Variants in FSHR observed in about 807,000 individuals in gnomAD.
FSHR encodes the protein follicle stimulating hormone receptor, also known as follicle-stimulating hormone receptor.
In FSHR, 46 loss-of-function variants were observed where a neutral mutation model predicts 52.1. The ratio of observed to expected loss-of-function variants is 0.88; its 90% CI spans 0.70 to 1.13. The LOEUF (loss-of-function observed/expected upper bound fraction) is 1.13. Ranked by LOEUF, FSHR falls within the 50% of genes most tolerant of loss-of-function variation. FSHR has a pLI of 0.00. For missense variants in FSHR, 964 were observed against 834.6 expected (o/e 1.16, Z -1.91); for synonymous variants, 399 against 309.6 (o/e 1.29, Z -3.03).
chr2:49,083,435 A>G (rs1454543062), intron 1 of FSHR, among the ~76,000 whole-genome samples: 2 of 151,518 alleles, frequency 1.3e-5, no homozygotes. Flanking sequence ...AACTGCATCA[A>G]CTGATGAGCA....
intron 3 of FSHR, 144 bp from the exon 4 acceptor site, chr2:49,017,707 A>G: frequency 1.4e-6 from 1 of 706,698 alleles, no homozygotes; most frequent in Middle Eastern, 2.5e-4. Flanking sequence ...TCCATCCATC[A>G]TTTCAATAAA....
intron 2 of FSHR, among the ~76,000 whole-genome samples, chr2:49,047,502 A>T (rs2104294946): frequency 1.3e-5 from 2 of 152,354 alleles, no homozygotes; most frequent in Middle Eastern, 3.4e-3. Flanking sequence ...GTACACACAG[A>T]CTTTGTGGTC....
chr2:49,115,411 A>G (rs1332171554), intron 1 of FSHR, among the ~76,000 whole-genome samples: 1 of 152,172 alleles, frequency 6.6e-6, no homozygotes, highest in African/African-American at 2.4e-5. Context: ...GGAAAGATGG[A>G]AAAACGGCCA....
At chr2:49,067,233 CT>C (rs945660432) in intron 2 of FSHR, among the ~76,000 whole-genome samples, 10 of 152,096 alleles carry the variant, frequency 6.6e-5, no homozygotes, top group Non-Finnish European at 1.2e-4. Flanking sequence ...TGACCACCCT[CT>C]TTTAAGCAGG....
Position 49,020,623 on chromosome 2 carries a change from A to G in FSHR, c.225-463T>C, listed in dbSNP as rs1199841138. The stretch of plus-strand genomic sequence containing the variant: ...TGTAGCCCAAATGTAACCAAAGGTA[A>G]CACATGAATGAATTAGCCTGTGTTC... On this transcript the variant is annotated intron_variant, in intron 2 of 9. Coordinates refer to ENST00000406846, the MANE Select transcript of FSHR (RefSeq NM_000145.4). Among the ~76,000 whole-genome samples the G allele has an allele frequency of 2.0e-5, 3 of 152,278 alleles. No homozygotes were observed. In the East Asian group the frequency reaches 5.8e-4, roughly 29 times the overall value.
intron 1 of FSHR, among the ~76,000 whole-genome samples, chr2:49,150,561 C>A (rs192251099): frequency 6.6e-6 from 1 of 152,190 alleles, no homozygotes; most frequent in African/African-American, 2.4e-5. Flanking sequence ...CAGTTAGGCA[C>A]ACATGGTGAT....
rs1282057134 is a variant in FSHR at position 49,102,210 on chromosome 2, A to G, written c.153-33920T>C. On this transcript the variant is annotated intron_variant, in intron 1 of 9. Transcript: ENST00000406846. ...CCCAGATGTGTGCATTTCTACCAGC[A>G]GTGAATAGTGACCTGGGCATGAGGA... Among the ~76,000 whole-genome samples, 4 of 152,288 alleles carry G rather than the reference A, an allele frequency of 2.6e-5. No homozygotes were observed. The East Asian group carries it at 7.7e-4, about 29-fold the overall frequency.
chr2:48,965,725 T>C (rs1196070734), intron 9 of FSHR, among the ~76,000 whole-genome samples: 1 of 152,232 alleles, frequency 6.6e-6, no homozygotes, highest in African/African-American at 2.4e-5. Context: ...TTATTGTTGA[T>C]ACTGCTGTCC....
chr2:49,011,255 CAT>C, intron 4 of FSHR, among the ~76,000 whole-genome samples: 1 of 151,870 alleles, frequency 6.6e-6, no homozygotes, highest in Non-Finnish European at 1.5e-5. Flanking sequence ...TTTCAAAGAA[CAT>C]ATTTATTTCT....
intron 1 of FSHR, among the ~76,000 whole-genome samples, chr2:49,132,142 G>A (rs1672300309): frequency 6.6e-6 from 1 of 152,164 alleles, no homozygotes; most frequent in Admixed American, 6.5e-5. Flanking sequence ...TAGTAAAGAT[G>A]TGTTGCCTGT....
intron 1 of FSHR, among the ~76,000 whole-genome samples, chr2:49,148,863 G>T (rs1672962041): frequency 6.6e-6 from 1 of 152,106 alleles, no homozygotes; most frequent in African/African-American, 2.4e-5. Context: ...GAGAGGTAAA[G>T]TCAGAAAGAT....
At chr2:48,973,402 T>C (rs1233204433) in intron 8 of FSHR, among the ~76,000 whole-genome samples, 1 of 152,194 alleles carries the variant, frequency 6.6e-6, no homozygotes, top group African/African-American at 2.4e-5. Flanking sequence ...TGACATTGCA[T>C]GGATCAGGGC....
chr2:49,093,155 T>A (rs1490414656), intron 1 of FSHR, among the ~76,000 whole-genome samples: 1 of 151,744 alleles, frequency 6.6e-6, no homozygotes, highest in African/African-American at 2.4e-5. Flanking sequence ...TGTCTAATTT[T>A]GATATCAGAG....
intron 1 of FSHR, among the ~76,000 whole-genome samples, chr2:49,100,713 G>C (rs1670995587): frequency 6.6e-6 from 1 of 152,176 alleles, no homozygotes; most frequent in Admixed American, 6.6e-5. Context: ...TCTACAGCCG[G>C]GCCTTTTGTT....
At chr2:49,032,308 G>A (rs1466058963) in intron 2 of FSHR, among the ~76,000 whole-genome samples, 1 of 152,164 alleles carries the variant, frequency 6.6e-6, no homozygotes, top group Non-Finnish European at 1.5e-5. Flanking sequence ...AGGCCCCTGA[G>A]TGCTGGAGCT....
At chr2:49,108,217 C>T (rs543728249) in intron 1 of FSHR, among the ~76,000 whole-genome samples, 1 of 152,252 alleles carries the variant, frequency 6.6e-6, no homozygotes, top group East Asian at 1.9e-4. Context: ...ACCATCGAAT[C>T]CCCTGCTTCT....
chr2:48,981,313 G>C (rs1675238065), intron 8 of FSHR, among the ~76,000 whole-genome samples: 1 of 152,158 alleles, frequency 6.6e-6, no homozygotes, highest in Non-Finnish European at 1.5e-5. Context: ...CTTTCTATGA[G>C]GAGGAACTTT....
intron 2 of FSHR, among the ~76,000 whole-genome samples, chr2:49,040,061 G>T (rs1668426356): frequency 6.6e-6 from 1 of 152,178 alleles, no homozygotes; most frequent in South Asian, 2.1e-4. Flanking sequence ...ACAGCTTGGA[G>T]AGTCTATAGG....
chr2:49,153,718 ATCTT>A (rs1162999995), intron 1 of FSHR, among the ~76,000 whole-genome samples: 3 of 152,026 alleles, frequency 2.0e-5, no homozygotes, highest in East Asian at 3.9e-4. Flanking sequence ...TGTCTTTCCT[ATCTT>A]TCTTTCTTTC....
Sources: allele counts gnomAD v4.1 joint callset (sites outside exome capture counted in the v4.1 genomes callset), GRCh38; gene constraint gnomAD v4.1.1; transcripts MANE v1.5; gene names NCBI Gene and HGNC (gene_info 2026-07-23, HGNC 2026-07-21).